Variants in MRPL49 observed in about 807,000 individuals in gnomAD.
MRPL49 encodes the protein mitochondrial ribosomal protein L49.
Under a neutral mutation model 18.4 loss-of-function variants are expected in MRPL49, and 14 were observed. The observed-to-expected ratio is 0.76, with a 90% CI of 0.50 to 1.19. The LOEUF (loss-of-function observed/expected upper bound fraction) is 1.19. Among genes scored for constraint, MRPL49 ranks in the 50% most tolerant of loss-of-function variants. MRPL49 has a pLI of 0.00. For missense variants in MRPL49, 190 were observed against 217.8 expected (o/e 0.87, Z 0.80); for synonymous variants, 104 against 86.2 (o/e 1.21, Z -1.14).
chr11:65,122,343 A>G lies in MRPL49; in HGVS notation c.-4A>G. The G allele has an allele frequency of 6.2e-7, 1 of 1,611,948 alleles. No homozygotes were observed. The highest frequency in any genetic ancestry group is 8.5e-7 in the Non-Finnish European group (1 of 1,179,272). ...CGCACAGAAGGCTGGCGTAGCAGGT[A>G]AAGATGGCAGCTACCATGTTCCGGG... is the stretch of plus-strand genomic sequence containing the variant. On this transcript the variant is annotated 5_prime_UTR_variant, in exon 1 of 4. Transcript: ENST00000279242.
rs114303545 is a variant in MRPL49 at position 65,127,102 on chromosome 11, C to G, written c.*1230C>G. The G allele has an allele frequency of 3.0e-3, 2,107 of 696,992 alleles. 33 individuals carry two copies. In the African/African-American group the frequency reaches 0.031, roughly 10 times the overall value. 43.2% of individuals were successfully genotyped at this position (696,992 alleles called of 1,614,324 possible). A position where few individuals can be genotyped will look rare whatever the true frequency, so the allele number is the denominator to read the frequency against. ...GGGCACTGAACTCTGGGCTGCTTCT[C>G]TGTGTGTAAAATGGGCACATCTTCC... On this transcript the variant is annotated 3_prime_UTR_variant, in exon 4 of 4. Transcript: ENST00000279242.
chr11:65,123,905 G>C (rs886321417), intron 1 of MRPL49, among the ~76,000 whole-genome samples: 1 of 152,068 alleles, frequency 6.6e-6, no homozygotes, highest in Non-Finnish European at 1.5e-5. Context: ...TGTTTTGTTT[G>C]AGAGAGTCTC....
At chr11:65,124,905 A>C (rs1948085912) in intron 2 of MRPL49, 3 of 409,110 alleles carry the variant, frequency 7.3e-6, no homozygotes, top group Admixed American at 4.1e-5. Flanking sequence ...AACAGAGAGA[A>C]AACCCAAGAG....
In MRPL49 at chr11:65,126,004, A is replaced by T; in HGVS notation, c.*132A>T. 9.0e-7 allele frequency: 1 copy of T among 1,111,372 alleles called. No homozygotes were observed. The highest frequency in any genetic ancestry group is 1.3e-6 in the Non-Finnish European group (1 of 790,140). 68.8% of individuals were successfully genotyped at this position (1,111,372 alleles called of 1,614,324 possible). On this transcript the variant is annotated 3_prime_UTR_variant, in exon 4 of 4. Transcript: ENST00000279242. ...ACTAGGGCTAAAGGACTTTGGGGTCAGGCCTTGCTTGCATAAAGGAGAAAA... is the reference window on the plus strand; with the variant it reads ...ACTAGGGCTAAAGGACTTTGGGGTCTGGCCTTGCTTGCATAAAGGAGAAAA...
intron 2 of MRPL49, chr11:65,125,266 C>T (rs1437923960): frequency 3.8e-6 from 2 of 532,416 alleles, no homozygotes; most frequent in Non-Finnish European, 6.5e-6. Context: ...TTCTTGAGCA[C>T]CTACTTAGTG....
chr11:65,124,281 C>A (rs1274781713), intron 1 of MRPL49, among the ~76,000 whole-genome samples: 2 of 152,112 alleles, frequency 1.3e-5, no homozygotes, highest in Non-Finnish European at 2.9e-5. Flanking sequence ...AGTATTTGTG[C>A]CCAAGAACTC....
At chr11:65,124,835 C>G (rs1357126263) in intron 2 of MRPL49, 183 bp downstream of exon 2, 4 of 608,264 alleles carry the variant, frequency 6.6e-6, no homozygotes, top group Non-Finnish European at 1.1e-5. Context: ...CTGTTGTTCA[C>G]TGGTACTCAT....
At chr11:65,122,720 CTTTTTTTT>C (rs11445335) in intron 1 of MRPL49, among the ~76,000 whole-genome samples, 7 of 130,870 alleles carry the variant, frequency 5.3e-5, no homozygotes, top group Non-Finnish European at 8.0e-5. Flanking sequence ...TGCCTTAATT[CTTTTTTTT>C]TTTTTTTTTG....
intron 1 of MRPL49, among the ~76,000 whole-genome samples, chr11:65,122,892 T>A (rs925382006): frequency 6.6e-6 from 1 of 152,078 alleles, no homozygotes; most frequent in African/African-American, 2.4e-5. Flanking sequence ...GCTAATTTTT[T>A]GTATTTTTAG....
In MRPL49 at chr11:65,127,217, G is replaced by T. The variant is rs1948112121; in HGVS notation, c.*1345G>T. On this transcript the variant is annotated 3_prime_UTR_variant, in exon 4 of 4. Transcript: ENST00000279242. ...TGGAGATTCCATTCCATTTTCAAGTGTACAGCCACAGCAAGGAGCCCGACA... is the reference window on the plus strand; with the variant it reads ...TGGAGATTCCATTCCATTTTCAAGTTTACAGCCACAGCAAGGAGCCCGACA... The T allele has an allele frequency of 3.7e-6, 2 of 541,142 alleles. No homozygotes were observed. Among genetic ancestry groups the T allele is most frequent in the Non-Finnish European group, 6.5e-6 (2 of 305,974 alleles). The allele number at this position is 541,142 out of a possible 1,614,324, so 33.5% of individuals were successfully genotyped here. A position where few individuals can be genotyped will look rare whatever the true frequency, so the allele number is the denominator to read the frequency against.
chr11:65,125,402 C>G (rs556679626), intron 2 of MRPL49, 86 bp from the exon 3 acceptor site: 1 of 1,571,848 alleles, frequency 6.4e-7, no homozygotes, highest in South Asian at 1.1e-5. Context: ...GTGCACTGGC[C>G]CTCTGCAGAC....
chr11:65,122,540 C>T, intron 1 of MRPL49, 116 bp downstream of exon 1: 1 of 940,100 alleles, frequency 1.1e-6, no homozygotes, highest in Non-Finnish European at 1.6e-6. Flanking sequence ...TTGCCGTTTT[C>T]GATCAGGAGA....
At chr11:65,125,410 G>C (rs1162430006) in intron 2 of MRPL49, 78 bp from the exon 3 acceptor site, 3 of 1,589,652 alleles carry the variant, frequency 1.9e-6, no homozygotes, top group Admixed American at 1.8e-5. Flanking sequence ...GCCCTCTGCA[G>C]ACTGAGAGCA....
chr11:65,124,922 C>T lies in MRPL49; in HGVS notation c.229+270C>T, dbSNP rs77245225. On this transcript the variant is annotated intron_variant, in intron 2 of 3. Transcript: ENST00000279242. ...CAGAGAGAAAACCCAAGAGCTTGGACCTTCTTTCCCCCCAGCAGACTATGT... is the reference window on the plus strand; with the variant it reads ...CAGAGAGAAAACCCAAGAGCTTGGATCTTCTTTCCCCCCAGCAGACTATGT... 2.7e-3 allele frequency: 1,006 copies of T among 373,984 alleles called. 7 individuals are homozygous for T. Among genetic ancestry groups the T allele is most frequent in the African/African-American group, 0.018 (872 of 48,502 alleles). 23.2% of individuals were successfully genotyped at this position (373,984 alleles called of 1,614,324 possible). A position where few individuals can be genotyped will look rare whatever the true frequency, so the allele number is the denominator to read the frequency against.
chr11:65,125,079 T>G (rs1201296948), intron 2 of MRPL49: 2 of 284,390 alleles, frequency 7.0e-6, no homozygotes, highest in Non-Finnish European at 1.3e-5. Flanking sequence ...GATAATCTGC[T>G]CAGTACATAG....
intron 2 of MRPL49, 158 bp downstream of exon 2, chr11:65,124,810 G>A (rs1948084979): frequency 1.1e-5 from 8 of 733,658 alleles, no homozygotes; most frequent in East Asian, 2.8e-5. Context: ...AGGAAGAGCC[G>A]AGGAGTGGAG....
rs1233345562 is a variant in MRPL49, at chr11:65,126,853, C to G, written c.*981C>G. On this transcript the variant is annotated 3_prime_UTR_variant, in exon 4 of 4. Coordinates refer to ENST00000279242, the MANE Select transcript of MRPL49 (RefSeq NM_004927.4). The stretch of plus-strand genomic sequence containing the variant: ...CTCACAGCCAGCATAGGGACATCCC[C>G]CTGCAGCCTTCTGACCTGCAATCAA... 1.2e-5 allele frequency: 7 copies of G among 582,534 alleles called. No individual in the cohort carries two copies. Among genetic ancestry groups the G allele is most frequent in the Non-Finnish European group, 2.1e-5 (7 of 327,854 alleles). 36.1% of individuals were successfully genotyped at this position (582,534 alleles called of 1,614,324 possible).
intron 1 of MRPL49, among the ~76,000 whole-genome samples, chr11:65,123,041 A>G (rs1948068838): frequency 6.6e-6 from 1 of 152,180 alleles, no homozygotes; most frequent in Non-Finnish European, 1.5e-5. Context: ...TCTTAAGGCA[A>G]TCATAAGATT....
intron 2 of MRPL49, chr11:65,124,988 G>T: frequency 3.3e-6 from 1 of 302,848 alleles, no homozygotes; most frequent in South Asian, 6.1e-5. Context: ...GCAGTTCTGG[G>T]TTTGAATTTG....
Sources: allele counts gnomAD v4.1 joint callset (sites outside exome capture counted in the v4.1 genomes callset), GRCh38; gene constraint gnomAD v4.1.1; transcripts MANE v1.5; gene names NCBI Gene and HGNC (gene_info 2026-07-23, HGNC 2026-07-21).